NSD1: variants seen among roughly 807,000 people sequenced by gnomAD.
NSD1 encodes the protein nuclear receptor binding SET domain protein 1, also known as histone-lysine N-methyltransferase, H3 lysine-36 specific.
Under a neutral mutation model 242.7 loss-of-function variants are expected in NSD1, and 26 were observed. The ratio of observed to expected loss-of-function variants is 0.11; its 90% CI spans 0.08 to 0.15. The LOEUF is 0.15. Among genes scored for constraint, NSD1 ranks in the 10% least tolerant of loss-of-function variants. NSD1 has a pLI of 1.00. For missense variants in NSD1, 2,495 were observed against 3,272.8 expected (o/e 0.76, Z 5.80); for synonymous variants, 1,106 against 1,178.1 (o/e 0.94, Z 1.25).
intron 11 of NSD1, 44 bp downstream of exon 11, chr5:177,248,368 C>G: frequency 6.3e-7 from 1 of 1,597,042 alleles, no homozygotes; most frequent in Admixed American, 1.7e-5. Flanking sequence ...GCATGTTCAT[C>G]TTTAAAGGGA....
chr5:177,211,897 G>T lies in NSD1; in HGVS notation c.3498G>T (p.Arg1166Ser). ...AGCGGTGGCAGCGTTTAAACCAAAG[G>T]CGCACTAAACCTCGTAAGCGCATGA... The part of the protein sequence containing the change: ...PKKRWQRLNQ[R>S]RTKPRKRMNR... Residue 1166 changes from arginine (R) to serine (S), a missense_variant, in exon 5 of 23, where the codon AGG becomes AGT. Around this residue, in one of 19 missense-constraint regions of NSD1, gnomAD observed 426 missense variants for 411.4 expected, o/e 1.04. Transcript: ENST00000439151. 1 of 1,610,408 alleles carries T rather than the reference G, an allele frequency of 6.2e-7. No individual in the cohort carries two copies. The highest frequency in any genetic ancestry group is 8.5e-7 in the Non-Finnish European group (1 of 1,178,230).
At chr5:177,283,251 G>T (rs1316161345) in intron 19 of NSD1, among the ~76,000 whole-genome samples, 2 of 152,146 alleles carry the variant, frequency 1.3e-5, no homozygotes, top group African/African-American at 4.8e-5. Flanking sequence ...ACCGCACCTG[G>T]CCTTAGTTTT....
intron 2 of NSD1, among the ~76,000 whole-genome samples, chr5:177,158,999 T>TATATATATATATATATATGAATG (rs1554173248): frequency 0.067 from 873 of 13,024 alleles, 27 homozygotes; most frequent in African/African-American, 0.23. Flanking sequence ...TGAATGATTT[T>TATATATATATATATATATGAATG]ATATATATAT....
At chr5:177,247,554 T>C (rs1766398168) in intron 10 of NSD1, among the ~76,000 whole-genome samples, 1 of 149,634 alleles carries the variant, frequency 6.7e-6, no homozygotes, top group South Asian at 2.1e-4. Flanking sequence ...CAGTGAGACC[T>C]TGTCTCTACT....
chr5:177,178,505 C>G (rs958515690), intron 2 of NSD1, among the ~76,000 whole-genome samples: 13 of 152,078 alleles, frequency 8.5e-5, no homozygotes, highest in African/African-American at 3.1e-4. Flanking sequence ...GGATTACAGG[C>G]GTAAGCCACC....
chr5:177,185,105 A>G (rs1760994386), intron 2 of NSD1, among the ~76,000 whole-genome samples: 1 of 152,148 alleles, frequency 6.6e-6, no homozygotes, highest in Non-Finnish European at 1.5e-5. Flanking sequence ...GTAAAGCATT[A>G]GTACTTCCCC....
Position 177,273,794 on chromosome 5 carries a change from A to G in NSD1, c.5622+10A>G, listed in dbSNP as rs1213661486. ...TTATAAACATATAAAGGTGAGGAGAAAATCTTGGGGGACCTTCTCTAGAAG... is the reference window on the plus strand; with the variant it reads ...TTATAAACATATAAAGGTGAGGAGAGAATCTTGGGGGACCTTCTCTAGAAG... On this transcript the variant is annotated intron_variant, in intron 17 of 22. Coordinates refer to ENST00000439151, the MANE Select transcript of NSD1 (RefSeq NM_022455.5). 4 of 1,569,286 alleles carry G rather than the reference A, an allele frequency of 2.5e-6. No individual in the cohort carries two copies. In the African/African-American group the frequency reaches 5.4e-5, roughly 21 times the overall value.
intron 2 of NSD1, among the ~76,000 whole-genome samples, chr5:177,162,292 G>A (rs1475548701): frequency 1.3e-5 from 2 of 149,238 alleles, no homozygotes; most frequent in African/African-American, 5.0e-5. Flanking sequence ...AGTGAGACTC[G>A]GTCTTAAAAA....
intron 19 of NSD1, among the ~76,000 whole-genome samples, chr5:177,283,103 G>A (rs1759027079): frequency 6.6e-6 from 1 of 152,102 alleles, no homozygotes; most frequent in Non-Finnish European, 1.5e-5. Context: ...ACAGGCATCC[G>A]CCACCACGCC....
At chr5:177,193,293 A>T in intron 3 of NSD1, among the ~76,000 whole-genome samples, 1 of 152,056 alleles carries the variant, frequency 6.6e-6, no homozygotes, top group East Asian at 1.9e-4. Context: ...GGCGTCCGCC[A>T]CCATGCCTGG....
intron 6 of NSD1, among the ~76,000 whole-genome samples, chr5:177,237,043 A>G (rs777935001): frequency 4.6e-5 from 7 of 151,996 alleles, no homozygotes; most frequent in Admixed American, 2.0e-4. Flanking sequence ...GTGTCCCACT[A>G]TGTTGCCCTG....
chr5:177,289,885 T>G (rs894305309), intron 21 of NSD1, among the ~76,000 whole-genome samples: 6 of 151,468 alleles, frequency 4.0e-5, no homozygotes, highest in South Asian at 2.1e-4. Context: ...TGGAGTGCAG[T>G]GGCGCAATCT....
At chr5:177,270,228 A>G (rs1315846310) in intron 16 of NSD1, among the ~76,000 whole-genome samples, 1 of 152,190 alleles carries the variant, frequency 6.6e-6, no homozygotes, top group East Asian at 1.9e-4. Flanking sequence ...CAGATATTGT[A>G]GAACAAACTA....
chr5:177,210,051 T>C lies in NSD1; in HGVS notation c.1652T>C (p.Leu551Pro), dbSNP rs888875191. The C allele has an allele frequency of 3.1e-6, 5 of 1,613,998 alleles. No homozygotes were observed. Among genetic ancestry groups the C allele is most frequent in the Non-Finnish European group, 3.4e-6 (4 of 1,179,940 alleles). The change falls in exon 5 of 23, where the codon CTT (leucine) becomes CCT (proline). Residue 551 changes from leucine (L) to proline (P), a missense_variant. Physicochemically the swap from Leu to Pro is moderately conservative, Grantham distance 98. Transcript: ENST00000439151. ...DISDTQASNE[L>P]SRIANSLTGS... Reference sequence around the variant, plus strand: ...TCTGATACGCAGGCCTCTAATGAACTTTCCAGGATAGCAAATAGCCTCACA... The same window carrying C: ...TCTGATACGCAGGCCTCTAATGAACCTTCCAGGATAGCAAATAGCCTCACA...
chr5:177,200,957 C>T (rs1033324637), intron 3 of NSD1, among the ~76,000 whole-genome samples: 5 of 151,114 alleles, frequency 3.3e-5, no homozygotes, highest in East Asian at 3.9e-4. Flanking sequence ...TGCAATGAGG[C>T]GTGATCTTGG....
intron 14 of NSD1, among the ~76,000 whole-genome samples, chr5:177,262,443 A>G (rs1441554607): frequency 3.3e-5 from 5 of 152,214 alleles, no homozygotes; most frequent in African/African-American, 9.6e-5. Context: ...CTCATAAACA[A>G]AACAAAACAA....
intron 5 of NSD1, among the ~76,000 whole-genome samples, chr5:177,214,990 C>T (rs1475122348): frequency 6.6e-6 from 1 of 151,664 alleles, no homozygotes; most frequent in African/African-American, 2.4e-5. Context: ...CATGAGCCAC[C>T]ACGCCCTGCC....
At chr5:177,149,391 G>T (rs983481921) in intron 2 of NSD1, among the ~76,000 whole-genome samples, 2 of 150,408 alleles carry the variant, frequency 1.3e-5, no homozygotes, top group Non-Finnish European at 3.0e-5. Context: ...GCTAATTTTT[G>T]TATTTTTTAG....
At chr5:177,193,844 G>A (rs1180952786) in intron 3 of NSD1, among the ~76,000 whole-genome samples, 1 of 151,782 alleles carries the variant, frequency 6.6e-6, no homozygotes, top group Non-Finnish European at 1.5e-5. Context: ...GCGCAATTTC[G>A]GCTCACTGCA....
Sources: allele counts gnomAD v4.1 joint callset (sites outside exome capture counted in the v4.1 genomes callset), GRCh38; gene constraint gnomAD v4.1.1; regional missense constraint gnomAD v4.1.1; transcripts MANE v1.5; gene names NCBI Gene and HGNC (gene_info 2026-07-23, HGNC 2026-07-21).